NRXN1: variants seen among roughly 807,000 people sequenced by gnomAD.
NRXN1 encodes neurexin-1.
NRXN1 carries 39 observed loss-of-function variants against 150.9 expected under a neutral mutation model. That is an observed-to-expected ratio of 0.26 (90% CI 0.20 to 0.34). The LOEUF is 0.34. NRXN1 is among the 10% of genes least tolerant of loss of function. NRXN1 has a pLI of 1.00. For missense variants in NRXN1, 1,815 were observed against 1,949.9 expected (o/e 0.93, Z 1.30); for synonymous variants, 924 against 757.0 (o/e 1.22, Z -3.62).
chr2:50,030,032 T>A (rs896454395), intron 21 of NRXN1, among the ~76,000 whole-genome samples: 2 of 152,136 alleles, frequency 1.3e-5, no homozygotes, highest in African/African-American at 4.8e-5. Context: ...TTAAAATGTC[T>A]GGGTAACTAT....
At chr2:50,759,384 T>G (rs944789529) in intron 5 of NRXN1, among the ~76,000 whole-genome samples, 3 of 151,864 alleles carry the variant, frequency 2.0e-5, no homozygotes, top group African/African-American at 7.2e-5. Flanking sequence ...TATCTTTTTA[T>G]CTTGGGCTTC....
intron 5 of NRXN1, among the ~76,000 whole-genome samples, chr2:50,763,395 C>T (rs1702036776): frequency 6.6e-6 from 1 of 151,938 alleles, no homozygotes; most frequent in Admixed American, 6.6e-5. Flanking sequence ...GACTATTCTA[C>T]TGGTTTATAT....
chr2:50,761,341 T>C (rs1701778686), intron 5 of NRXN1, among the ~76,000 whole-genome samples: 1 of 151,844 alleles, frequency 6.6e-6, no homozygotes, highest in African/African-American at 2.4e-5. Flanking sequence ...GGTAATTGAA[T>C]CATGGGGGCG....
intron 5 of NRXN1, among the ~76,000 whole-genome samples, chr2:50,751,874 T>A (rs1454717458): frequency 6.6e-6 from 1 of 151,948 alleles, no homozygotes; most frequent in Non-Finnish European, 1.5e-5. Context: ...GGCCCAGGTC[T>A]CCTATTCCAG....
intron 18 of NRXN1, among the ~76,000 whole-genome samples, chr2:50,191,966 T>G (rs1291578472): frequency 6.6e-6 from 1 of 152,134 alleles, no homozygotes; most frequent in African/African-American, 2.4e-5. Context: ...AAAGAACCAA[T>G]TGTTCATATG....
At chr2:50,507,278 C>T (rs946118134) in intron 12 of NRXN1, among the ~76,000 whole-genome samples, 1 of 151,914 alleles carries the variant, frequency 6.6e-6, no homozygotes, top group Non-Finnish European at 1.5e-5. Context: ...ACTAATTGAC[C>T]TGTACGTCAC....
At chr2:50,862,500 G>A (rs1455302673) in intron 5 of NRXN1, among the ~76,000 whole-genome samples, 2 of 151,982 alleles carry the variant, frequency 1.3e-5, no homozygotes, top group South Asian at 2.1e-4. Flanking sequence ...AGTGGTCTAA[G>A]GTCAACTCAT....
At chr2:50,630,908 A>G (rs928547660) in intron 5 of NRXN1, among the ~76,000 whole-genome samples, 3 of 151,802 alleles carry the variant, frequency 2.0e-5, no homozygotes, top group Non-Finnish European at 4.4e-5. Context: ...CATTATTAAA[A>G]CAAATAAGCC....
At chr2:49,961,373 CTTG>C (rs1378407646) in intron 21 of NRXN1, among the ~76,000 whole-genome samples, 1 of 151,838 alleles carries the variant, frequency 6.6e-6, no homozygotes, top group African/African-American at 2.4e-5. Context: ...TCCCGTCCTC[CTTG>C]TTGTAACATT....
chr2:50,490,224 C>G (rs951400269), intron 15 of NRXN1, among the ~76,000 whole-genome samples: 1 of 152,174 alleles, frequency 6.6e-6, no homozygotes. Flanking sequence ...CCCATTGAAG[C>G]CAAAGGAATA....
intron 17 of NRXN1, among the ~76,000 whole-genome samples, chr2:50,307,148 C>T (rs1307576193): frequency 1.3e-5 from 2 of 152,024 alleles, no homozygotes; most frequent in Non-Finnish European, 2.9e-5. Flanking sequence ...CCACGCCCAG[C>T]TAATTTTTGT....
At chr2:50,839,926 C>T (rs1672636269) in intron 5 of NRXN1, among the ~76,000 whole-genome samples, 1 of 152,082 alleles carries the variant, frequency 6.6e-6, no homozygotes, top group South Asian at 2.1e-4. Flanking sequence ...TTCAACTTGA[C>T]ATTTGACACT....
chr2:50,806,085 T>G (rs1667473374), intron 5 of NRXN1, among the ~76,000 whole-genome samples: 2 of 152,196 alleles, frequency 1.3e-5, no homozygotes, highest in South Asian at 4.1e-4. Context: ...GCATTGTACT[T>G]TAAAATCCAC....
intron 2 of NRXN1, among the ~76,000 whole-genome samples, chr2:50,957,735 T>C (rs551024542): frequency 2.0e-5 from 3 of 152,176 alleles, no homozygotes; most frequent in Non-Finnish European, 4.4e-5. Context: ...TTAATTACTT[T>C]TGTCATGTTT....
chr2:50,433,423 T>C (rs1280542701), intron 17 of NRXN1, among the ~76,000 whole-genome samples: 6 of 152,312 alleles, frequency 3.9e-5, no homozygotes, highest in Admixed American at 2.0e-4. Flanking sequence ...GTTATTATTA[T>C]TTTTCATTAT....
chr2:50,043,534 T>TTTC (rs1476656551), intron 21 of NRXN1, among the ~76,000 whole-genome samples: 7 of 152,170 alleles, frequency 4.6e-5, no homozygotes, highest in African/African-American at 1.7e-4. Flanking sequence ...TCAAGGACAA[T>TTTC]TTCTTTTGGA....
At chr2:50,637,575 G>A (rs1382139850) in intron 5 of NRXN1, 1 of 152,198 alleles carries the variant, frequency 6.6e-6, no homozygotes, top group Non-Finnish European at 1.5e-5. Flanking sequence ...AGATACTCTG[G>A]GTAAACCCAA....
rs2065988352 is a variant in NRXN1 at position 50,241,407 on chromosome 2, C to T, written c.3365-4437G>A. On this transcript the variant is annotated intron_variant, in intron 17 of 22. Coordinates refer to ENST00000401669, the MANE Select transcript of NRXN1 (RefSeq NM_001330078.2). The stretch of plus-strand genomic sequence containing the variant: ...AGAGGAACATAGAGGAATGTGTCAC[C>T]TTTATTATTTATGCATGTTTCTATA... Among the ~76,000 whole-genome samples, 2 of 151,690 alleles carry T rather than the reference C, an allele frequency of 1.3e-5. 1 individual carries two copies. Among genetic ancestry groups the T allele is most frequent in the South Asian group, 4.1e-4 (2 of 4,824 alleles).
chr2:50,434,866 C>T (rs78822515), intron 17 of NRXN1, among the ~76,000 whole-genome samples: 1,813 of 152,076 alleles, frequency 0.012, 35 homozygotes, highest in African/African-American at 0.042. Context: ...ATGAAAACTG[C>T]TGAGAAATTT....
Sources: allele counts gnomAD v4.1 joint callset (sites outside exome capture counted in the v4.1 genomes callset), GRCh38; gene constraint gnomAD v4.1.1; transcripts MANE v1.5; gene names NCBI Gene and HGNC (gene_info 2026-07-23, HGNC 2026-07-21).